SGCZ: variants seen among roughly 807,000 people sequenced by gnomAD.
The protein encoded by SGCZ is sarcoglycan zeta, also known as zeta-sarcoglycan.
A neutral mutation model predicts 41.3 loss-of-function variants in SGCZ; 40 were observed. The ratio of observed to expected loss-of-function variants is 0.97; its 90% CI spans 0.75 to 1.26. The LOEUF is 1.26. Ranked by LOEUF, SGCZ falls within the 50% of genes most tolerant of loss-of-function variation. The pLI is 0.00. For missense variants in SGCZ, 552 were observed against 369.8 expected (o/e 1.49, Z -4.04); for synonymous variants, 206 against 137.5 (o/e 1.50, Z -3.49).
rs973537061 is a variant in SGCZ at position 14,108,387 on chromosome 8, A to G, written c.548-152T>C. On this transcript the variant is annotated intron_variant, in intron 5 of 7. Coordinates refer to ENST00000382080, the MANE Select transcript of SGCZ (RefSeq NM_139167.4). Reference sequence around the variant, plus strand: ...GTCCGTTTTCACACTGCTGATAAAGACATATCCGAGACTGAGAAGAAAAAG... The same window carrying G: ...GTCCGTTTTCACACTGCTGATAAAGGCATATCCGAGACTGAGAAGAAAAAG... 2.3e-5 allele frequency: 15 copies of G among 644,434 alleles called. No homozygotes were observed. In the African/African-American group the frequency reaches 2.6e-4, roughly 11 times the overall value. 39.9% of individuals were successfully genotyped at this position (644,434 alleles called of 1,614,324 possible).
chr8:14,525,356 G>A (rs1476733026), intron 2 of SGCZ, among the ~76,000 whole-genome samples: 2 of 152,004 alleles, frequency 1.3e-5, no homozygotes, highest in African/African-American at 4.8e-5. Flanking sequence ...ATAATGTTTT[G>A]TTCTGTCTTC....
At chr8:14,647,572 T>C (rs1018562027) in intron 1 of SGCZ, among the ~76,000 whole-genome samples, 14 of 152,054 alleles carry the variant, frequency 9.2e-5, no homozygotes, top group African/African-American at 3.4e-4. Context: ...TCATGTGTTT[T>C]AGACATGGTT....
intron 3 of SGCZ, among the ~76,000 whole-genome samples, chr8:14,256,505 TAC>T (rs1448342061): frequency 6.7e-6 from 1 of 148,942 alleles, no homozygotes; most frequent in Non-Finnish European, 1.5e-5. Context: ...ATCCCTCATA[TAC>T]ATATATGATA....
intron 3 of SGCZ, among the ~76,000 whole-genome samples, chr8:14,254,157 C>T (rs572042616): frequency 1.3e-5 from 2 of 152,142 alleles, no homozygotes; most frequent in East Asian, 1.9e-4. Flanking sequence ...TATCTCGTTG[C>T]TTATAATCAG....
At chr8:14,281,564 C>T (rs984595066) in intron 3 of SGCZ, among the ~76,000 whole-genome samples, 10 of 151,966 alleles carry the variant, frequency 6.6e-5, no homozygotes, top group African/African-American at 2.2e-4. Context: ...GTTTGGGGGC[C>T]TCCAATTTAT....
intron 1 of SGCZ, among the ~76,000 whole-genome samples, chr8:14,620,149 T>C (rs1369942536): frequency 2.6e-5 from 4 of 152,056 alleles, no homozygotes; most frequent in African/African-American, 9.7e-5. Flanking sequence ...TCTACAACCA[T>C]CTGATCTTTG....
intron 2 of SGCZ, among the ~76,000 whole-genome samples, chr8:14,534,682 G>C (rs1417090130): frequency 8.3e-6 from 1 of 120,366 alleles, no homozygotes; most frequent in African/African-American, 2.8e-5. Context: ...GGAGGGAAAG[G>C]GTACAAGGTA....
At chr8:15,180,220 A>T in intron 1 of SGCZ, among the ~76,000 whole-genome samples, 1 of 152,048 alleles carries the variant, frequency 6.6e-6, no homozygotes, top group Admixed American at 6.6e-5. Context: ...AATAATCCAC[A>T]CATGTTCTCC....
intron 4 of SGCZ, among the ~76,000 whole-genome samples, chr8:14,199,295 C>T (rs1261917766): frequency 1.3e-5 from 2 of 152,172 alleles, no homozygotes; most frequent in African/African-American, 4.8e-5. Flanking sequence ...ATAGCACTCC[C>T]AAGCTTATTA....
intron 5 of SGCZ, among the ~76,000 whole-genome samples, chr8:14,144,088 T>G (rs1319994157): frequency 6.6e-6 from 1 of 152,058 alleles, no homozygotes; most frequent in Non-Finnish European, 1.5e-5. Flanking sequence ...CAAGTCCTAG[T>G]GTTAAACTAG....
chr8:14,125,448 G>C (rs547062867), intron 5 of SGCZ, among the ~76,000 whole-genome samples: 1 of 150,018 alleles, frequency 6.7e-6, no homozygotes, highest in African/African-American at 2.5e-5. Flanking sequence ...AGCTCGCAGT[G>C]AGCCGAGATC....
At chr8:14,262,992 T>G (rs1364058931) in intron 3 of SGCZ, among the ~76,000 whole-genome samples, 1 of 152,204 alleles carries the variant, frequency 6.6e-6, no homozygotes, top group African/African-American at 2.4e-5. Context: ...TTGTATTTTG[T>G]ACACAAACTT....
At chr8:14,327,939 C>T (rs752082054) in intron 2 of SGCZ, among the ~76,000 whole-genome samples, 4 of 152,114 alleles carry the variant, frequency 2.6e-5, no homozygotes, top group Non-Finnish European at 5.9e-5. Context: ...CACTGCCACG[C>T]CCAGATAACT....
At chr8:15,021,530 T>A (rs17470933) in intron 1 of SGCZ, among the ~76,000 whole-genome samples, 2,441 of 152,312 alleles carry the variant, frequency 0.016, 27 homozygotes, top group Middle Eastern at 0.031. Flanking sequence ...CTTACTTACG[T>A]TGGCACAACA....
chr8:15,020,546 C>A (rs973366112), intron 1 of SGCZ, among the ~76,000 whole-genome samples: 1 of 152,152 alleles, frequency 6.6e-6, no homozygotes, highest in Non-Finnish European at 1.5e-5. Context: ...TCGCTGTCAG[C>A]TCGCCACCAG....
At chr8:14,498,624 A>T (rs932378323) in intron 2 of SGCZ, among the ~76,000 whole-genome samples, 2 of 151,692 alleles carry the variant, frequency 1.3e-5, no homozygotes, top group Non-Finnish European at 2.9e-5. Flanking sequence ...TTTCCTTTTA[A>T]CTTTTTCTAC....
chr8:14,536,171 G>A (rs548772513), intron 2 of SGCZ, among the ~76,000 whole-genome samples: 19 of 151,868 alleles, frequency 1.3e-4, no homozygotes, highest in African/African-American at 4.3e-4. Flanking sequence ...TCACATTTTT[G>A]TCTTTGCAAT....
chr8:14,259,040 A>G (rs970437157), intron 3 of SGCZ, among the ~76,000 whole-genome samples: 1 of 152,328 alleles, frequency 6.6e-6, no homozygotes, highest in South Asian at 2.1e-4. Context: ...AAAACGTGCT[A>G]AAAGTCTTCC....
At chr8:14,224,221 G>T (rs566090279) in intron 4 of SGCZ, among the ~76,000 whole-genome samples, 1 of 152,252 alleles carries the variant, frequency 6.6e-6, no homozygotes, top group East Asian at 1.9e-4. Flanking sequence ...TACATTTGCT[G>T]ACAAAGGATA....
Sources: allele counts gnomAD v4.1 joint callset (sites outside exome capture counted in the v4.1 genomes callset), GRCh38; gene constraint gnomAD v4.1.1; transcripts MANE v1.5; gene names NCBI Gene and HGNC (gene_info 2026-07-23, HGNC 2026-07-21).